The following IP6K3 variants were observed in gnomAD, a reference collection of about 807,000 sequenced individuals.
IP6K3 encodes ATP:1D-myo-inositol-hexakisphosphate phosphotransferase.
Under a neutral mutation model 28.8 loss-of-function variants are expected in IP6K3, and 20 were observed. The observed-to-expected ratio is 0.70, with a 90% confidence interval of 0.49 to 1.01. The LOEUF (loss-of-function observed/expected upper bound fraction) is 1.01, where lower values mean the gene tolerates loss of function less well. Among genes scored for constraint, IP6K3 ranks in the 50% least tolerant of loss-of-function variants. The pLI is 0.00. For missense variants in IP6K3, 480 were observed against 537.1 expected (o/e 0.89, Z 1.05); for synonymous variants, 213 against 221.3 (o/e 0.96, Z 0.33).
intron 5 of IP6K3, 120 bp downstream of exon 5, chr6:33,725,321 G>A (rs1052893755): frequency 2.4e-5 from 24 of 989,124 alleles, no homozygotes; most frequent in Non-Finnish European, 3.1e-5. Context: ...GGCCTCCTCT[G>A]TGGCTCCTCC....
intron 2 of IP6K3, 34 bp from the exon 3 acceptor site, chr6:33,728,334 C>T (rs776296855): frequency 4.4e-6 from 7 of 1,598,126 alleles, no homozygotes; most frequent in Non-Finnish European, 6.0e-6. Flanking sequence ...GGGGAGGAGC[C>T]AGTTGAGAGA....
rs921238698 is a variant in IP6K3, at chr6:33,723,228, C to T, written c.766-41G>A. On this transcript the variant is annotated intron_variant, in intron 5 of 5. Transcript: ENST00000293756. ...ATAAAGAAAATGTGAAGATTGGAAA[C>T]TTAAACAAATTGTATCTGGTACGGT... 6.6e-6 allele frequency: 9 copies of T among 1,364,072 alleles called. No homozygotes were observed. The African/African-American group carries it at 1.0e-4, about 15-fold the overall frequency. 84.5% of individuals were successfully genotyped at this position (1,364,072 alleles called of 1,614,324 possible). A position where few individuals can be genotyped will look rare whatever the true frequency, so the allele number is the denominator to read the frequency against.
chr6:33,723,994 CGG>C lies in IP6K3; in HGVS notation c.766-809_766-808del, dbSNP rs147935103. Among the ~76,000 whole-genome samples the C allele has an allele frequency of 6.9e-3, 1,027 of 148,732 alleles. 5 individuals carry two copies. Among genetic ancestry groups the C allele is most frequent in the South Asian group, 0.025 (116 of 4,650 alleles). ...AACTAAGGCCAGCAGTGGGCATGGC[CGG>C]GGGGGGGTGGCACCCCTCTGCCTGG... is the stretch of plus-strand genomic sequence containing the variant. On this transcript the variant is annotated intron_variant, in intron 5 of 5. Coordinates refer to ENST00000293756, the MANE Select transcript of IP6K3 (RefSeq NM_054111.5).
chr6:33,752,014 C>T, the IP6K3 span, among the ~76,000 whole-genome samples: 2 of 152,158 alleles, frequency 1.3e-5, no homozygotes, highest in African/African-American at 4.8e-5. Flanking sequence ...CTGGCTGAGG[C>T]CCAGGGAAAA....
chr6:33,759,717 C>G, the IP6K3 span, among the ~76,000 whole-genome samples: 1 of 151,936 alleles, frequency 6.6e-6, no homozygotes, highest in Non-Finnish European at 1.5e-5. Flanking sequence ...ACAACAACAA[C>G]AAAAAACTAG....
chr6:33,756,616 T>C, the IP6K3 span, among the ~76,000 whole-genome samples: 4 of 152,160 alleles, frequency 2.6e-5, no homozygotes, highest in African/African-American at 9.7e-5. Context: ...ATGGAACTTA[T>C]TTCGTGTATC....
upstream of IP6K3, among the ~76,000 whole-genome samples, chr6:33,750,474 C>T (rs1423690333): frequency 2.6e-5 from 4 of 152,174 alleles, no homozygotes; most frequent in South Asian, 2.1e-4. This position sits in a 1 kb window ranked among gnomAD's most constrained non-coding sequence, Gnocchi z 4.3. Flanking sequence ...GAAGCCCTCC[C>T]CGCCCTTTCT....
intron 3 of IP6K3, chr6:33,727,824 A>G: frequency 2.0e-6 from 2 of 985,192 alleles, no homozygotes; most frequent in Non-Finnish European, 2.4e-6. Flanking sequence ...ACAAATATGT[A>G]CTGAATACCT....
At chr6:33,735,696 G>T (rs910059449) in intron 1 of IP6K3, 41 bp from the exon 2 acceptor site, 2 of 1,203,112 alleles carry the variant, frequency 1.7e-6, no homozygotes, top group Non-Finnish European at 2.2e-6. Context: ...TATGAGGGAG[G>T]TGGTGGCTGG....
rs139070129 is a variant in IP6K3 at position 33,730,261 on chromosome 6, G to A, written c.200-1961C>T. Among the ~76,000 whole-genome samples the A allele has an allele frequency of 7.4e-3, 1,127 of 152,314 alleles. 13 individuals are homozygous for A. The highest frequency in any genetic ancestry group is 0.02 in the African/African-American group (849 of 41,554). On this transcript the variant is annotated intron_variant, in intron 2 of 5. Coordinates refer to ENST00000293756, the MANE Select transcript of IP6K3 (RefSeq NM_054111.5). Reference sequence around the variant, plus strand: ...CCTGGGCTGGTCAGCGTGGACACTCGTTATCAGGGCTGCTCTATAATTTAG... The same window carrying A: ...CCTGGGCTGGTCAGCGTGGACACTCATTATCAGGGCTGCTCTATAATTTAG...
rs144176084 is a variant in IP6K3, at chr6:33,732,955, T to C, written c.199+2323A>G. ...TCTGGGCCTTTTCCTAGAGTCTTCT[T>C]AAATGTGCATATTTCATTAGTTAGT... On this transcript the variant is annotated intron_variant, in intron 2 of 5. Coordinates refer to ENST00000293756, the MANE Select transcript of IP6K3 (RefSeq NM_054111.5). Among the ~76,000 whole-genome samples, 17 of 152,350 alleles carry C rather than the reference T, an allele frequency of 1.1e-4. No homozygotes were observed. In the East Asian group the frequency reaches 2.9e-3, roughly 26 times the overall value.
chr6:33,737,637 C>A (rs1164887710), intron 1 of IP6K3, among the ~76,000 whole-genome samples: 1 of 152,258 alleles, frequency 6.6e-6, no homozygotes, highest in Non-Finnish European at 1.5e-5. Context: ...TTCCCCAACA[C>A]TGGGCCTCTT....
chr6:33,724,881 A>C (rs1766037311), intron 5 of IP6K3, among the ~76,000 whole-genome samples: 1 of 152,198 alleles, frequency 6.6e-6, no homozygotes, highest in Admixed American at 6.5e-5. Flanking sequence ...TCGGCTGCCA[A>C]AGATTGTGAG....
chr6:33,747,126 C>T (rs1053039488), upstream of IP6K3, among the ~76,000 whole-genome samples: 2 of 152,120 alleles, frequency 1.3e-5, no homozygotes, highest in African/African-American at 4.8e-5. This position sits in a 1 kb window ranked among gnomAD's most constrained non-coding sequence, Gnocchi z 5.2. Context: ...AGCTCAGCTG[C>T]CCACGTAGAT....
chr6:33,725,457 C>T lies in IP6K3; in HGVS notation c.749G>A (p.Arg250His), dbSNP rs537814047. Reference protein sequence around the residue: ...AQSTSACLGVRICGMQVYQTD... With the variant: ...AQSTSACLGVHICGMQVYQTD... ...GCGACCTACCTGCATGCCGCAGATG[C>T]GCACACCCAGGCAGGCTGAGGTGCT... The change falls in exon 5 of 6, where the codon CGC becomes CAC. Residue 250 changes from arginine (R) to histidine (H), a missense_variant. Transcript: ENST00000293756. 121 of 1,610,960 alleles carry T rather than the reference C, an allele frequency of 7.5e-5. 1 individual carries two copies. The highest frequency in any genetic ancestry group is 4.4e-4 in the South Asian group (40 of 90,976).
intron 1 of IP6K3, among the ~76,000 whole-genome samples, chr6:33,738,013 G>T (rs1766589478): frequency 6.6e-6 from 1 of 152,246 alleles, no homozygotes; most frequent in Non-Finnish European, 1.5e-5. Context: ...TATGGGACAG[G>T]ATATGCCAGT....
upstream of IP6K3, among the ~76,000 whole-genome samples, chr6:33,751,290 A>G (rs1455893283): frequency 6.6e-6 from 1 of 152,084 alleles, no homozygotes; most frequent in East Asian, 1.9e-4. This position sits in a 1 kb window ranked among gnomAD's most constrained non-coding sequence, Gnocchi z 4.3. Flanking sequence ...CGGGCTCCCC[A>G]ACAGCTGAAG....
intron 5 of IP6K3, among the ~76,000 whole-genome samples, chr6:33,723,697 G>A (rs1765995146): frequency 6.6e-6 from 1 of 152,246 alleles, no homozygotes; most frequent in Admixed American, 6.5e-5. Flanking sequence ...TTGAAGTGGA[G>A]TGGGGTGAAT....
At chr6:33,751,033 G>C (rs1767014350), upstream of IP6K3, among the ~76,000 whole-genome samples, 1 of 152,128 alleles carries the variant, frequency 6.6e-6, no homozygotes, top group Non-Finnish European at 1.5e-5. This position sits in a 1 kb window ranked among gnomAD's most constrained non-coding sequence, Gnocchi z 4.3. Context: ...GCTTGGCATA[G>C]CACCTTCCCC....
Sources: gnomAD v4.1 joint callset for allele counts (sites outside exome capture counted in the v4.1 genomes callset) on GRCh38, gnomAD v4.1.1 for gene constraint, Gnocchi (gnomAD v3.1) non-coding constraint, MANE v1.5 for transcripts, NCBI Gene and HGNC (gene_info 2026-07-23, HGNC 2026-07-21) for gene names.